Variants in HTR1F observed in about 807,000 individuals in gnomAD.
The protein encoded by HTR1F is 5-hydroxytryptamine receptor 1F.
HTR1F carries 17 observed loss-of-function variants against 24.0 expected under a neutral mutation model. The ratio of observed to expected loss-of-function variants is 0.71; its 90% CI spans 0.48 to 1.06. The LOEUF (loss-of-function observed/expected upper bound fraction) is 1.06, where lower values mean the gene tolerates loss of function less well. Among genes scored for constraint, HTR1F ranks in the 50% least tolerant of loss-of-function variants. HTR1F has a pLI of 0.00. For synonymous variants in HTR1F, 186 were observed against 156.8 expected (o/e 1.19, Z -1.39); for missense variants, 391 against 427.8 (o/e 0.91, Z 0.76).
intron 2 of HTR1F, among the ~76,000 whole-genome samples, chr3:87,973,900 T>C (rs1369800720): frequency 6.6e-6 from 1 of 152,154 alleles, no homozygotes; most frequent in Non-Finnish European, 1.5e-5. Context: ...TTTATAAAGA[T>C]GTGGTGTGGG....
chr3:87,961,434 C>T (rs145235639), intron 2 of HTR1F, among the ~76,000 whole-genome samples: 1 of 152,094 alleles, frequency 6.6e-6, no homozygotes, highest in East Asian at 1.9e-4. Context: ...TAGAAAGTTT[C>T]ATCAGTATCC....
chr3:87,935,154 C>T (rs1704381025), intron 2 of HTR1F, among the ~76,000 whole-genome samples: 1 of 152,170 alleles, frequency 6.6e-6, no homozygotes, highest in Non-Finnish European at 1.5e-5. Flanking sequence ...AGGTGTGAAC[C>T]ACCATCTCTG....
At chr3:87,870,371 C>CAATAT (rs1705528015) in intron 2 of HTR1F, among the ~76,000 whole-genome samples, 2 of 152,018 alleles carry the variant, frequency 1.3e-5, no homozygotes, top group South Asian at 4.1e-4. Context: ...AACTTAATAA[C>CAATAT]AATATATTAG....
At chr3:87,986,457 G>A (rs2107520723) in intron 2 of HTR1F, among the ~76,000 whole-genome samples, 1 of 152,198 alleles carries the variant, frequency 6.6e-6, no homozygotes, top group South Asian at 2.1e-4. Context: ...TATAATTCTA[G>A]AATATAACCC....
At chr3:87,851,704 C>T (rs1705090122) in intron 2 of HTR1F, among the ~76,000 whole-genome samples, 1 of 151,502 alleles carries the variant, frequency 6.6e-6, no homozygotes, top group African/African-American at 2.4e-5. Context: ...GAACATCTAT[C>T]CTAATGAATT....
At chr3:87,870,816 A>G (rs1165593135) in intron 2 of HTR1F, among the ~76,000 whole-genome samples, 1 of 152,084 alleles carries the variant, frequency 6.6e-6, no homozygotes, top group Non-Finnish European at 1.5e-5. Flanking sequence ...GACCAAACAT[A>G]CATCTCTAAT....
chr3:87,869,426 TA>T (rs1332415168), intron 2 of HTR1F, among the ~76,000 whole-genome samples: 2 of 140,538 alleles, frequency 1.4e-5, no homozygotes, highest in African/African-American at 5.5e-5. Flanking sequence ...GATAGATAGA[TA>T]GATAGATACA....
intron 1 of HTR1F, among the ~76,000 whole-genome samples, chr3:87,810,639 A>G (rs1704144618): frequency 6.6e-6 from 1 of 152,138 alleles, no homozygotes; most frequent in South Asian, 2.1e-4. Flanking sequence ...GAATCACACT[A>G]TTTCAATGGA....
intron 2 of HTR1F, among the ~76,000 whole-genome samples, chr3:87,861,986 T>C (rs1705328946): frequency 6.6e-6 from 1 of 152,186 alleles, no homozygotes. Context: ...AAATATGTTA[T>C]AAATCCCACA....
intron 1 of HTR1F, among the ~76,000 whole-genome samples, chr3:87,796,752 G>C (rs960018317): frequency 2.0e-5 from 3 of 152,196 alleles, no homozygotes; most frequent in Non-Finnish European, 4.4e-5. Context: ...AATTACCTTG[G>C]AATTAAGCTA....
intron 2 of HTR1F, among the ~76,000 whole-genome samples, chr3:87,930,968 AG>A (rs1485847267): frequency 1.3e-5 from 2 of 151,458 alleles, no homozygotes; most frequent in East Asian, 1.9e-4. Flanking sequence ...AAATTCCTCC[AG>A]CTCAAATAAC....
At chr3:87,959,666 T>A (rs767115834) in intron 2 of HTR1F, among the ~76,000 whole-genome samples, 17 of 151,878 alleles carry the variant, frequency 1.1e-4, no homozygotes, top group Non-Finnish European at 1.6e-4. Context: ...TTGAAAGGAT[T>A]TAAGATGTTG....
At chr3:87,810,552 T>C (rs1345083634) in intron 1 of HTR1F, among the ~76,000 whole-genome samples, 1 of 152,152 alleles carries the variant, frequency 6.6e-6, no homozygotes, top group East Asian at 1.9e-4. Flanking sequence ...TTATTTGCCT[T>C]CTAGATAGAT....
At chr3:87,855,758 G>A (rs1289007614) in intron 2 of HTR1F, among the ~76,000 whole-genome samples, 1 of 152,012 alleles carries the variant, frequency 6.6e-6, no homozygotes, top group African/African-American at 2.4e-5. Flanking sequence ...TGAGTAGCAT[G>A]ATAAAATCTC....
At chr3:87,909,917 G>T (rs1703741472) in intron 2 of HTR1F, among the ~76,000 whole-genome samples, 2 of 152,014 alleles carry the variant, frequency 1.3e-5, no homozygotes, top group African/African-American at 4.8e-5. Flanking sequence ...ATACTCCATG[G>T]TCTTTTATTC....
Position 87,961,000 on chromosome 3 carries a change from G to GCACA in HTR1F, c.-42-29689_-42-29686dup, listed in dbSNP as rs536116656. ...TCGCAAAAAGTGTACTTGGTATGGT[G>GCACA]CACACACACACACACACACACATAC... On this transcript the variant is annotated intron_variant, in intron 2 of 2. Transcript: ENST00000319595. Among the ~76,000 whole-genome samples, 236 of 144,438 alleles carry GCACA rather than the reference G, an allele frequency of 1.6e-3. 1 individual carries two copies. Among genetic ancestry groups the GCACA allele is most frequent in the African/African-American group, 3.8e-3 (139 of 36,792 alleles). 94.8% of individuals were successfully genotyped at this position (144,438 alleles called of 152,430 possible).
chr3:87,851,302 A>T lies in HTR1F; in HGVS notation c.-43+29178A>T, dbSNP rs1301192825. Among the ~76,000 whole-genome samples, 3 of 151,606 alleles carry T rather than the reference A, an allele frequency of 2.0e-5. 1 individual carries two copies. The highest frequency in any genetic ancestry group is 7.3e-5 in the African/African-American group (3 of 41,142). Reference sequence around the variant, plus strand: ...TTCTGTATAACTATTCAAATTGTTTATGTATATATTATTTGCACAGACTTT... The same window carrying T: ...TTCTGTATAACTATTCAAATTGTTTTTGTATATATTATTTGCACAGACTTT... On this transcript the variant is annotated intron_variant, in intron 2 of 2. Transcript: ENST00000319595.
intron 2 of HTR1F, among the ~76,000 whole-genome samples, chr3:87,953,997 G>T (rs1704890386): frequency 6.6e-6 from 1 of 151,692 alleles, no homozygotes; most frequent in African/African-American, 2.4e-5. Context: ...TCTCATGGAG[G>T]TAAAGAATAG....
At chr3:87,955,792 T>C (rs1333170090) in intron 2 of HTR1F, among the ~76,000 whole-genome samples, 1 of 151,494 alleles carries the variant, frequency 6.6e-6, no homozygotes, top group Non-Finnish European at 1.5e-5. Context: ...AAGACAGTGA[T>C]GTTGACCATA....
Sources: allele counts gnomAD v4.1 joint callset (sites outside exome capture counted in the v4.1 genomes callset), GRCh38; gene constraint gnomAD v4.1.1; transcripts MANE v1.5; gene names NCBI Gene and HGNC (gene_info 2026-07-23, HGNC 2026-07-21).